SULF2: variants seen among roughly 807,000 people sequenced by gnomAD.
SULF2 encodes the protein sulfatase 2, also known as extracellular sulfatase Sulf-2.
A neutral mutation model predicts 107.7 loss-of-function variants in SULF2; 52 were observed. That is an observed-to-expected ratio of 0.48 (90% CI 0.39 to 0.61). The LOEUF (loss-of-function observed/expected upper bound fraction) is 0.61. SULF2 is among the 20% of genes least tolerant of loss of function. SULF2 has a pLI of 0.00. For synonymous variants in SULF2, 460 were observed against 464.3 expected, an observed-to-expected ratio of 0.99 and a Z score of 0.12; for missense variants, 993 against 1,177.3, an observed-to-expected ratio of 0.84 and a Z score of 2.29.
At chr20:47,682,503 A>G (rs1267025212) in intron 7 of SULF2, among the ~76,000 whole-genome samples, 1 of 152,230 alleles carries the variant, frequency 6.6e-6, no homozygotes, top group Non-Finnish European at 1.5e-5. Context: ...CCCGAGGAGA[A>G]TGGCTGGCTG....
At chr20:47,709,025 G>A (rs1180706220) in intron 3 of SULF2, among the ~76,000 whole-genome samples, 1 of 152,186 alleles carries the variant, frequency 6.6e-6, no homozygotes, top group Non-Finnish European at 1.5e-5. Flanking sequence ...GCTCTCATTT[G>A]ATTATATTTC....
At chr20:47,757,965 T>C (rs991493453) in intron 1 of SULF2, among the ~76,000 whole-genome samples, 8 of 152,084 alleles carry the variant, frequency 5.3e-5, no homozygotes, top group Non-Finnish European at 1.0e-4. Context: ...CTGGATGTTT[T>C]GGGCTGGACA....
At chr20:47,663,238 T>C in intron 16 of SULF2, 26 bp from the exon 17 acceptor site, 3 of 1,613,096 alleles carry the variant, frequency 1.9e-6, no homozygotes, top group Non-Finnish European at 2.5e-6. Flanking sequence ...GAGCATGTCC[T>C]GAGTGCCTGC....
chr20:47,705,804 C>CTTT (rs34029135), intron 3 of SULF2, among the ~76,000 whole-genome samples: 111 of 137,532 alleles, frequency 8.1e-4, no homozygotes, highest in African/African-American at 2.9e-3. Flanking sequence ...CTTTTCTTTT[C>CTTT]TTTTTTTTTT....
At chr20:47,692,086 A>G (rs2088216164) in intron 4 of SULF2, among the ~76,000 whole-genome samples, 1 of 152,162 alleles carries the variant, frequency 6.6e-6, no homozygotes, top group African/African-American at 2.4e-5. Context: ...GAATTTAGTA[A>G]ATATTTAGCT....
intron 2 of SULF2, among the ~76,000 whole-genome samples, chr20:47,737,935 C>A (rs900598608): frequency 6.6e-6 from 1 of 151,718 alleles, no homozygotes; most frequent in Non-Finnish European, 1.5e-5. Context: ...GTAGAGATGA[C>A]GTTTCGCCAT....
At chr20:47,724,771 A>G (rs140032390) in intron 3 of SULF2, among the ~76,000 whole-genome samples, 121 of 152,302 alleles carry the variant, frequency 7.9e-4, no homozygotes, top group African/African-American at 2.8e-3. Flanking sequence ...CTGTCACTCA[A>G]TGGATATTTA....
intron 2 of SULF2, 53 bp downstream of exon 2, chr20:47,757,136 C>G (rs1303696263): frequency 6.7e-7 from 1 of 1,482,490 alleles, no homozygotes; most frequent in Non-Finnish European, 9.1e-7. Flanking sequence ...CAGCCTAACC[C>G]AGGGACCCTG....
At chr20:47,661,694 T>G (rs2059980273) in intron 18 of SULF2, 79 bp downstream of exon 18, 1 of 1,354,108 alleles carries the variant, frequency 7.4e-7, no homozygotes, top group African/African-American at 1.5e-5. Flanking sequence ...GGCTCATTCT[T>G]GGGGTAGACA....
intron 2 of SULF2, among the ~76,000 whole-genome samples, chr20:47,747,912 CCT>C (rs1391076880): frequency 6.6e-6 from 1 of 152,186 alleles, no homozygotes; most frequent in African/African-American, 2.4e-5. Context: ...AATCCACCCA[CCT>C]CTCTCGCTCT....
intron 3 of SULF2, among the ~76,000 whole-genome samples, chr20:47,735,285 G>A (rs971306558): frequency 4.7e-4 from 71 of 152,250 alleles, no homozygotes; most frequent in Admixed American, 4.1e-3. Context: ...GAGAGTCTGT[G>A]AGCCACACAC....
At chr20:47,707,482 C>A (rs985686534) in intron 3 of SULF2, among the ~76,000 whole-genome samples, 3 of 152,158 alleles carry the variant, frequency 2.0e-5, no homozygotes, top group Non-Finnish European at 2.9e-5. Context: ...GACAATGGTC[C>A]ACTACAACCC....
intron 1 of SULF2, among the ~76,000 whole-genome samples, chr20:47,771,141 G>T (rs535070687): frequency 2.6e-5 from 4 of 152,338 alleles, no homozygotes; most frequent in African/African-American, 9.6e-5. Context: ...CTCCTAGGAA[G>T]TGAAACCCGA....
At chr20:47,709,329 G>A (rs1226203770) in intron 3 of SULF2, among the ~76,000 whole-genome samples, 1 of 152,182 alleles carries the variant, frequency 6.6e-6, no homozygotes. Context: ...GCCAGGAAAG[G>A]CCATTGACAA....
intron 11 of SULF2, among the ~76,000 whole-genome samples, chr20:47,671,361 C>T (rs1016023601): frequency 2.0e-5 from 3 of 151,808 alleles, no homozygotes; most frequent in Admixed American, 2.0e-4. Context: ...GGCTGGAGCA[C>T]AATGGCGTGA....
At chr20:47,755,842 G>A (rs1023606933) in intron 2 of SULF2, among the ~76,000 whole-genome samples, 2 of 151,540 alleles carry the variant, frequency 1.3e-5, no homozygotes, top group African/African-American at 4.9e-5. Flanking sequence ...GGTGCAACCC[G>A]GGCCAAGTCA....
chr20:47,668,402 G>A (rs911330274), intron 11 of SULF2, among the ~76,000 whole-genome samples: 2 of 152,212 alleles, frequency 1.3e-5, no homozygotes, highest in African/African-American at 4.8e-5. Flanking sequence ...CCAGCCCTGT[G>A]TGAATCCTTT....
At chr20:47,672,533 C>T (rs890649484) in intron 10 of SULF2, 140 bp from the exon 11 acceptor site, 11 of 1,426,588 alleles carry the variant, frequency 7.7e-6, no homozygotes, top group Non-Finnish European at 1.0e-5. Flanking sequence ...TCTGCTATCT[C>T]CAATGCCGCT....
At position 47,779,755 on chromosome 20, in the gene SULF2, C is replaced by T. The variant is rs371164522; in HGVS notation, c.-101+5588G>A. Among the ~76,000 whole-genome samples, 18 of 152,070 alleles carry T rather than the reference C, an allele frequency of 1.2e-4. No homozygotes were observed. In the East Asian group the frequency reaches 1.7e-3, roughly 15 times the overall value. On this transcript the variant is annotated intron_variant, in intron 1 of 20. Coordinates refer to ENST00000688720, the MANE Select transcript of SULF2 (RefSeq NM_001387048.1). Reference sequence around the variant, plus strand: ...CCGAGTAACTGGGATTACAGGTGTGCGCCACCGTGCCTGGCTAATTTTTGT... The same window carrying T: ...CCGAGTAACTGGGATTACAGGTGTGTGCCACCGTGCCTGGCTAATTTTTGT...
Sources: allele counts gnomAD v4.1 joint callset (sites outside exome capture counted in the v4.1 genomes callset), GRCh38; gene constraint gnomAD v4.1.1; transcripts MANE v1.5; gene names NCBI Gene and HGNC (gene_info 2026-07-23, HGNC 2026-07-21).